NOL9: variants seen among roughly 807,000 people sequenced by gnomAD.
NOL9 encodes polynucleotide 5'-hydroxyl-kinase NOL9.
Under a neutral mutation model 67.9 loss-of-function variants are expected in NOL9, and 28 were observed. That is an observed-to-expected ratio of 0.41 (90% CI 0.31 to 0.57). The LOEUF (loss-of-function observed/expected upper bound fraction) is 0.57, where lower values mean the gene tolerates loss of function less well. Ranked by LOEUF, NOL9 falls within the 20% of genes least tolerant of loss-of-function variation. NOL9 has a pLI of 0.25. For synonymous variants in NOL9, 356 were observed against 352.2 expected (o/e 1.01, Z -0.12); for missense variants, 777 against 897.0 (o/e 0.87, Z 1.71).
At chr1:6,528,896 A>T in intron 10 of NOL9, 98 bp downstream of exon 10, 2 of 1,230,010 alleles carry the variant, frequency 1.6e-6, no homozygotes, top group Non-Finnish European at 2.3e-6. Flanking sequence ...TGACCTCTGT[A>T]GCTTAGACAC....
intron 5 of NOL9, 43 bp downstream of exon 5, chr1:6,544,783 A>G (rs1639383698): frequency 6.2e-7 from 1 of 1,601,148 alleles, no homozygotes; most frequent in Admixed American, 1.7e-5. Context: ...CTTCATGACA[A>G]AAACCTAGCA....
intron 10 of NOL9, among the ~76,000 whole-genome samples, chr1:6,527,237 A>G (rs1333516159): frequency 9.5e-6 from 1 of 105,452 alleles, no homozygotes; most frequent in Non-Finnish European, 2.1e-5. Context: ...ACAGAGTGAG[A>G]CTGTCTCAAA....
chr1:6,526,912 T>G, intron 10 of NOL9, 83 bp from the exon 11 acceptor site: 1 of 1,465,828 alleles, frequency 6.8e-7, no homozygotes, highest in South Asian at 1.4e-5. Flanking sequence ...AGAATGGTTT[T>G]GAACATAAGT....
chr1:6,533,973 C>T (rs569311612), intron 6 of NOL9, among the ~76,000 whole-genome samples: 72 of 152,192 alleles, frequency 4.7e-4, no homozygotes, highest in East Asian at 2.1e-3. Context: ...CAGCAACCTC[C>T]GCCTGCCAGG....
chr1:6,540,972 T>A (rs569311915), intron 6 of NOL9: 9 of 149,458 alleles, frequency 6.0e-5, no homozygotes, highest in African/African-American at 2.2e-4. Flanking sequence ...TGTGGATAAC[T>A]GGTGAATTTT....
At chr1:6,539,128 A>G (rs1639219930) in intron 6 of NOL9, among the ~76,000 whole-genome samples, 1 of 152,254 alleles carries the variant, frequency 6.6e-6, no homozygotes, top group Admixed American at 6.5e-5. Flanking sequence ...ATTACTTCAC[A>G]CAAACTCAGA....
chr1:6,526,743 G>A lies in NOL9; in HGVS notation c.1912C>T (p.Leu638=), dbSNP rs1487736313. Residue 638 remains leucine, a synonymous_variant, in exon 11 of 12, where the codon CTG becomes TTG. Coordinates refer to ENST00000377705, the MANE Select transcript of NOL9 (RefSeq NM_024654.5). ...PPEELRTVNC[L]LVGAIAIPHC... is the part of the protein sequence containing the mutation. The stretch of plus-strand genomic sequence containing the variant: ...GGAATGGCAATAGCTCCAACGAGCA[G>A]ACAATTCACGGTCCTTAGCTCTTCC... The A allele has an allele frequency of 1.9e-6, 3 of 1,614,000 alleles. No individual in the cohort carries two copies. The highest frequency in any genetic ancestry group is 2.5e-6 in the Non-Finnish European group (3 of 1,179,952).
Position 6,554,156 on chromosome 1 carries a change from A to G in NOL9, c.347T>C (p.Val116Ala), listed in dbSNP as rs369639676. ...SCHRPLLIPPVRPVGPGRALL... is the reference protein window; with the variant it reads ...SCHRPLLIPPARPVGPGRALL... ...CGCGCGGCCGGGGCCCACGGGCCGC[A>G]CCGGTGGGATGAGGAGAGGCCGGTG... Residue 116 changes from valine to alanine, a missense_variant, in exon 1 of 12, where the codon GTG becomes GCG. Transcript: ENST00000377705. 2.0e-6 allele frequency: 3 copies of G among 1,530,214 alleles called. No homozygotes were observed. The highest frequency in any genetic ancestry group is 2.8e-5 in the African/African-American group (2 of 70,282). The allele number at this position is 1,530,214 out of a possible 1,614,324, so 94.8% of individuals were successfully genotyped here. A position where few individuals can be genotyped will look rare whatever the true frequency, so the allele number is the denominator to read the frequency against.
chr1:6,525,941 T>C lies in NOL9; in HGVS notation c.2022A>G (p.Ala674=). The change falls in exon 12 of 12, where the codon GCA becomes GCG. Residue 674 remains alanine (A), a synonymous_variant. Transcript: ENST00000377705. The part of the protein sequence containing the change: ...TTDYNFKLPG[A]SEKIGAREPE... ...GTTCTCTTGCTCCAATTTTCTCTGA[T>C]GCTCCAGGAAGTTTAAAATTGTAAT... The C allele has an allele frequency of 1.2e-6, 2 of 1,614,110 alleles. No homozygotes were observed. The highest frequency in any genetic ancestry group is 1.7e-6 in the Non-Finnish European group (2 of 1,179,930).
In NOL9 at chr1:6,542,146, A is replaced by C. The variant is rs150592849; in HGVS notation, c.978-219T>G. Among the ~76,000 whole-genome samples the C allele has an allele frequency of 3.1e-3, 425 of 137,924 alleles. 2 individuals are homozygous for C. Among genetic ancestry groups the C allele is most frequent in the African/African-American group, 9.5e-3 (352 of 37,190 alleles). 90.5% of individuals were successfully genotyped at this position (137,924 alleles called of 152,430 possible). ...ACAATGTCCATTTGTAACACGGATA[A>C]CAACTTGCTCTTTCAGATTTTTTTT... On this transcript the variant is annotated intron_variant, in intron 5 of 11. Transcript: ENST00000377705.
rs1639527433 is a variant in NOL9, at chr1:6,550,702, A to C, written c.397-87T>G. On this transcript the variant is annotated intron_variant, in intron 1 of 11. Transcript: ENST00000377705. ...TAAAATCTTTTTTTTTTTTTTTTTG[A>C]GATGGAGTTTTGCTCTTGTTGCCCA... 5 of 624,600 alleles carry C rather than the reference A, an allele frequency of 8.0e-6. No individual in the cohort carries two copies. The Admixed American group carries it at 2.0e-4, about 25-fold the overall frequency. 38.7% of individuals were successfully genotyped at this position (624,600 alleles called of 1,614,324 possible).
chr1:6,549,506 A>T (rs1639494333), intron 3 of NOL9, 65 bp downstream of exon 3: 8 of 1,521,498 alleles, frequency 5.3e-6, no homozygotes, highest in Non-Finnish European at 7.1e-6. Flanking sequence ...CATCCTACAT[A>T]GTCATTTGAA....
intron 3 of NOL9, 24 bp from the exon 4 acceptor site, chr1:6,545,204 A>T (rs1270909770): frequency 1.3e-6 from 2 of 1,597,850 alleles, no homozygotes; most frequent in African/African-American, 2.7e-5. Flanking sequence ...TTTAAACTTT[A>T]AGGTGAAAAA....
At chr1:6,535,727 G>C (rs924090279) in intron 6 of NOL9, among the ~76,000 whole-genome samples, 1 of 152,100 alleles carries the variant, frequency 6.6e-6, no homozygotes, top group Non-Finnish European at 1.5e-5. Context: ...GGGAGTTCGA[G>C]ACCAGCCTGG....
Position 6,554,269 on chromosome 1 carries a change from G to A in NOL9, c.234C>T (p.Pro78=), listed in dbSNP as rs1467741976. 6.8e-7 allele frequency: 1 copy of A among 1,477,084 alleles called. No homozygotes were observed. The highest frequency in any genetic ancestry group is 9.0e-7 in the Non-Finnish European group (1 of 1,116,344). The allele number at this position is 1,477,084 out of a possible 1,614,324, so 91.5% of individuals were successfully genotyped here. The change falls in exon 1 of 12, where the codon CCC becomes CCT. Residue 78 remains proline (P), a synonymous_variant. Coordinates refer to ENST00000377705, the MANE Select transcript of NOL9 (RefSeq NM_024654.5). ...GGATCGGGCTGGGGGTCGCGGTGTT[G>A]GGTCTCCGGGCCGCCGCCGCGCGCG... is the stretch of plus-strand genomic sequence containing the variant. ...QVSRAAAARR[P]NTATPSPIPS...
Position 6,532,309 on chromosome 1 carries a change from C to T in NOL9, c.1535+154G>A, listed in dbSNP as rs1014509664. ...CTGGATATTTCCACTGGGAACATAA[C>T]AGTTCAGAAAACAACTGGTTCGTCT... On this transcript the variant is annotated intron_variant, in intron 8 of 11. Transcript: ENST00000377705. The T allele has an allele frequency of 3.8e-6, 3 of 784,140 alleles. No homozygotes were observed. In the African/African-American group the frequency reaches 5.2e-5, roughly 14 times the overall value. The allele number at this position is 784,140 out of a possible 1,614,324, so 48.6% of individuals were successfully genotyped here. A position where few individuals can be genotyped will look rare whatever the true frequency, so the allele number is the denominator to read the frequency against.
chr1:6,541,748 T>A, intron 6 of NOL9, 82 bp downstream of exon 6: 1 of 762,240 alleles, frequency 1.3e-6, no homozygotes, highest in African/African-American at 1.8e-5. Context: ...TATTTTATAC[T>A]CTTCGATTTC....
Position 6,532,098 on chromosome 1 carries a change from C to T in NOL9, c.1536-19G>A, listed in dbSNP as rs776132790. The T allele has an allele frequency of 5.8e-5, 92 of 1,579,588 alleles. No individual in the cohort carries two copies. The highest frequency in any genetic ancestry group is 7.6e-5 in the Non-Finnish European group (87 of 1,148,644). On this transcript the variant is annotated intron_variant, in intron 8 of 11. Coordinates refer to ENST00000377705, the MANE Select transcript of NOL9 (RefSeq NM_024654.5). ...TGACTCTCTGAAAGGCAAATCACAA[C>T]AAGGTAAGTAGACATTTAACCCTCA...
At chr1:6,526,099 G>A (rs772260378) in intron 11 of NOL9, 96 bp from the exon 12 acceptor site, 20 of 1,112,580 alleles carry the variant, frequency 1.8e-5, no homozygotes, top group Non-Finnish European at 2.6e-5. Context: ...GTGTCATGGT[G>A]ATGGTCTGGG....
Sources: gnomAD v4.1 joint callset for allele counts (sites outside exome capture counted in the v4.1 genomes callset) on GRCh38, gnomAD v4.1.1 for gene constraint, MANE v1.5 for transcripts, NCBI Gene and HGNC (gene_info 2026-07-23, HGNC 2026-07-21) for gene names.